Variants in JARID2 observed in about 807,000 individuals in gnomAD.
JARID2 encodes the protein jumonji and AT-rich interaction domain containing 2.
In JARID2, 21 loss-of-function variants were observed where a neutral mutation model predicts 125.6. The observed-to-expected ratio is 0.17, with a 90% CI of 0.12 to 0.24. The LOEUF (loss-of-function observed/expected upper bound fraction) is 0.24, where lower values mean the gene tolerates loss of function less well. Among genes scored for constraint, JARID2 ranks in the 10% least tolerant of loss-of-function variants. JARID2 has a pLI of 1.00. For synonymous variants in JARID2, 736 were observed against 661.6 expected (o/e 1.11, Z -1.73); for missense variants, 1,303 against 1,639.6 (o/e 0.79, Z 3.55).
chr6:15,450,262 CGGGT>C (rs1055074953), intron 3 of JARID2, among the ~76,000 whole-genome samples: 40 of 152,066 alleles, frequency 2.6e-4, no homozygotes, highest in Admixed American at 2.4e-3. Context: ...CTTCACCTCC[CGGGT>C]TCCAGCGATT....
intron 5 of JARID2, among the ~76,000 whole-genome samples, chr6:15,478,281 G>A (rs1478951876): frequency 6.6e-6 from 1 of 152,112 alleles, no homozygotes; most frequent in African/African-American, 2.4e-5. Context: ...GCCTCTTTAA[G>A]CTTTAGTTTT....
intron 1 of JARID2, among the ~76,000 whole-genome samples, chr6:15,300,682 GT>G (rs1218332107): frequency 1.7e-4 from 19 of 110,316 alleles, no homozygotes; most frequent in South Asian, 3.8e-4. Flanking sequence ...GTGTCCTCAT[GT>G]TGTGTGTGTG....
intron 1 of JARID2, among the ~76,000 whole-genome samples, chr6:15,258,278 G>A (rs1473714458): frequency 6.6e-6 from 1 of 152,206 alleles, no homozygotes; most frequent in Non-Finnish European, 1.5e-5. Context: ...TTAGTTGGCA[G>A]CAGGGATGTG....
intron 1 of JARID2, among the ~76,000 whole-genome samples, chr6:15,372,247 A>G (rs1241206124): frequency 6.6e-6 from 1 of 152,124 alleles, no homozygotes; most frequent in Non-Finnish European, 1.5e-5. Context: ...TTTTGTATAA[A>G]CCAGTAAAAC....
chr6:15,513,419 C>G lies in JARID2; in HGVS notation c.3447C>G (p.Ser1149=). 6.3e-7 allele frequency: 1 copy of G among 1,599,710 alleles called. No homozygotes were observed. ...TCTGCCAGCACCTGTGCTACCTGTCCATGGTGAGCCCGCCTGGCCCTGCCG... is the reference window on the plus strand; with the variant it reads ...TCTGCCAGCACCTGTGCTACCTGTCGATGGTGAGCCCGCCTGGCCCTGCCG... ...CQICQHLCYL[S]MVVQENENVV... The change falls in exon 16 of 18, where the codon TCC becomes TCG. Residue 1149 remains serine (S), a synonymous_variant. Transcript: ENST00000341776.
rs1770477370 is a variant in JARID2, at chr6:15,496,999, C to G, written c.1774C>G (p.Pro592Ala). The G allele has an allele frequency of 1.9e-6, 3 of 1,613,920 alleles. No homozygotes were observed. The highest frequency in any genetic ancestry group is 1.7e-5 in the Admixed American group (1 of 59,996). ...EKFGMCRVIP[P>A]PDWRPECKLN... ...GTTCGGGATGTGCAGGGTGATCCCC[C>G]CTCCGGACTGGCGGCCCGAGTGCAA... Residue 592 changes from proline to alanine, a missense_variant, in exon 7 of 18, where the codon CCT becomes GCT. Physicochemically the swap from Pro to Ala is conservative, Grantham distance 27 (BLOSUM62 -1). This residue lies in a region of JARID2 where 651 missense variants were observed against 581.6 expected (regional missense o/e 1.12). Transcript: ENST00000341776.
chr6:15,361,467 C>A (rs1210218648), intron 1 of JARID2, among the ~76,000 whole-genome samples: 1 of 152,250 alleles, frequency 6.6e-6, no homozygotes, highest in Non-Finnish European at 1.5e-5. Context: ...TAAATTTCTA[C>A]ATACATCCAC....
At chr6:15,281,922 CTCTGTGTGTG>C (rs1479492316) in intron 1 of JARID2, among the ~76,000 whole-genome samples, 24 of 122,312 alleles carry the variant, frequency 2.0e-4, no homozygotes, top group Non-Finnish European at 3.6e-4. Flanking sequence ...AGGGTATGTG[CTCTGTGTGTG>C]TGTGTGTGTG....
chr6:15,269,202 T>C (rs1034464337), intron 1 of JARID2, among the ~76,000 whole-genome samples: 1 of 152,172 alleles, frequency 6.6e-6, no homozygotes, highest in African/African-American at 2.4e-5. Flanking sequence ...TAAAACCTCC[T>C]AATCTGAGTG....
chr6:15,404,135 C>A (rs1464711191), intron 2 of JARID2, among the ~76,000 whole-genome samples: 1 of 152,218 alleles, frequency 6.6e-6, no homozygotes, highest in Non-Finnish European at 1.5e-5. Context: ...TGTTCTCAGT[C>A]ACACCAGTGT....
intron 1 of JARID2, among the ~76,000 whole-genome samples, chr6:15,261,784 AT>A (rs58582193): frequency 0.016 from 2,149 of 134,696 alleles, 30 homozygotes; most frequent in African/African-American, 0.05. Flanking sequence ...AAATTCAGGG[AT>A]TTTTTTTTTT....
At chr6:15,505,441 C>T (rs1182319614) in intron 9 of JARID2, 5 of 149,982 alleles carry the variant, frequency 3.3e-5, no homozygotes, top group Non-Finnish European at 2.9e-5. Flanking sequence ...ACTGGGGGTT[C>T]AGGTATCTTG....
At position 15,452,123 on chromosome 6, in the gene JARID2, C is replaced by G. The variant is rs1215051315; in HGVS notation, c.441C>G (p.Leu147=). The G allele has an allele frequency of 5.6e-6, 9 of 1,614,030 alleles. No individual in the cohort carries two copies. The East Asian group carries it at 1.8e-4, about 32-fold the overall frequency. ...CTCCAGCTACTCAGATATCAGACCT[C>G]TCTAAAAGGAAGCCTAAGACAGAAG... The part of the protein sequence containing the change: ...LPPPATQISD[L]SKRKPKTEDF... The change falls in exon 4 of 18, where the codon CTC becomes CTG. Residue 147 remains leucine (L), a synonymous_variant. Coordinates refer to ENST00000341776, the MANE Select transcript of JARID2 (RefSeq NM_004973.4).
chr6:15,414,192 T>C (rs947086737), intron 3 of JARID2, among the ~76,000 whole-genome samples: 1 of 152,156 alleles, frequency 6.6e-6, no homozygotes, highest in Non-Finnish European at 1.5e-5. Flanking sequence ...AATAAAAATC[T>C]ATGGTGGAGA....
At chr6:15,289,144 A>G (rs1761109592) in intron 1 of JARID2, among the ~76,000 whole-genome samples, 1 of 152,198 alleles carries the variant, frequency 6.6e-6, no homozygotes, top group Admixed American at 6.5e-5. Context: ...GAAGAAGTGA[A>G]TATGATTTCC....
rs1217158646 is a variant in JARID2 at position 15,504,517 on chromosome 6, A to G, written c.2466A>G (p.Leu822=). 3 of 1,613,640 alleles carry G rather than the reference A, an allele frequency of 1.9e-6. No homozygotes were observed. The highest frequency in any genetic ancestry group is 2.2e-5 in the East Asian group (1 of 44,866). ...TGTTTCAGGGAAGGTCTGTTTCTCT[A>G]ACAACTTTTTATCGAACAGCGAGGA... The part of the protein sequence containing the change: ...KCIYKGRSVS[L]TTFYRTARNI... Residue 822 remains leucine, a synonymous_variant, in exon 9 of 18, where the codon CTA becomes CTG. Transcript: ENST00000341776.
intron 1 of JARID2, among the ~76,000 whole-genome samples, chr6:15,252,818 T>G (rs1285616829): frequency 6.6e-6 from 1 of 152,110 alleles, no homozygotes; most frequent in Non-Finnish European, 1.5e-5. Context: ...AAGACAAGCC[T>G]CAATTGCTTT....
chr6:15,325,413 A>G lies in JARID2; in HGVS notation c.46-48704A>G, dbSNP rs77796880. On this transcript the variant is annotated intron_variant, in intron 1 of 17. Transcript: ENST00000341776. Reference sequence around the variant, plus strand: ...AAGAGACCCAGCATATTGATTTCCTATTAGGGATCAGCGGTCTAGAAGTAC... The same window carrying G: ...AAGAGACCCAGCATATTGATTTCCTGTTAGGGATCAGCGGTCTAGAAGTAC... 1.4e-3 allele frequency among the ~76,000 whole-genome samples: 209 copies of G among 152,224 alleles called. 1 individual carries two copies. The highest frequency in any genetic ancestry group is 1.6e-3 in the Non-Finnish European group (110 of 68,014).
chr6:15,285,417 G>A (rs1411055005), intron 1 of JARID2, among the ~76,000 whole-genome samples: 5 of 152,102 alleles, frequency 3.3e-5, no homozygotes, highest in East Asian at 3.8e-4. Flanking sequence ...GAGCCACCGC[G>A]CCCAGCCGTC....
Sources: allele counts gnomAD v4.1 joint callset (sites outside exome capture counted in the v4.1 genomes callset), GRCh38; gene constraint gnomAD v4.1.1; regional missense constraint gnomAD v4.1.1; transcripts MANE v1.5; gene names NCBI Gene and HGNC (gene_info 2026-07-23, HGNC 2026-07-21).